The following RYR2 variants were observed in gnomAD, a reference collection of about 807,000 sequenced individuals.
RYR2 encodes cardiac muscle ryanodine receptor-calcium release channel.
In RYR2, 227 loss-of-function variants were observed where a neutral mutation model predicts 601.1. The observed-to-expected ratio is 0.38, with a 90% CI of 0.34 to 0.42. The LOEUF is 0.42. RYR2 is among the 10% of genes least tolerant of loss of function. The probability of loss-of-function intolerance (pLI) is 1.00; values close to 1 mark genes in which losing one functional copy is unlikely to be tolerated. For missense variants in RYR2, 4,646 were observed against 6,156.5 expected (o/e 0.75, Z 8.21); for synonymous variants, 2,223 against 2,175.1 (o/e 1.02, Z -0.61).
At chr1:237,444,988 T>C (rs975052927) in intron 13 of RYR2, among the ~76,000 whole-genome samples, 1 of 152,156 alleles carries the variant, frequency 6.6e-6, no homozygotes, top group Admixed American at 6.6e-5. Context: ...TCGTTCAATG[T>C]AGATATGTGA....
At chr1:237,564,594 A>G (rs758435264) in intron 27 of RYR2, among the ~76,000 whole-genome samples, 1 of 152,148 alleles carries the variant, frequency 6.6e-6, no homozygotes, top group Non-Finnish European at 1.5e-5. Flanking sequence ...TAATAGCACA[A>G]ACTACCTTTA....
chr1:237,065,455 G>A (rs559243725), intron 1 of RYR2, among the ~76,000 whole-genome samples: 1 of 56,394 alleles, frequency 1.8e-5, no homozygotes, highest in South Asian at 6.9e-4. Flanking sequence ...AATTTTTTTT[G>A]GTATTTTTTT....
chr1:237,444,008 A>G (rs1409042804), intron 13 of RYR2, among the ~76,000 whole-genome samples: 2 of 152,196 alleles, frequency 1.3e-5, no homozygotes, highest in African/African-American at 4.8e-5. Flanking sequence ...TTTGGCTAAA[A>G]ATCTATTCTA....
At chr1:237,432,099 CT>C (rs201214602) in intron 12 of RYR2, among the ~76,000 whole-genome samples, 3 of 120,408 alleles carry the variant, frequency 2.5e-5, no homozygotes, top group Admixed American at 8.8e-5. Flanking sequence ...AGCAAATGGT[CT>C]TTTTTTTTTA....
chr1:237,544,301 C>T (rs1346123154), intron 25 of RYR2, among the ~76,000 whole-genome samples: 1 of 151,976 alleles, frequency 6.6e-6, no homozygotes, highest in African/African-American at 2.4e-5. Flanking sequence ...CTACTTATAC[C>T]TGTTCAGTAA....
In RYR2 at chr1:237,532,440, C is replaced by T. The variant is rs1668226748; in HGVS notation, c.2906+1930C>T. 1.3e-5 allele frequency among the ~76,000 whole-genome samples: 2 copies of T among 151,880 alleles called. 1 individual carries two copies. The highest frequency in any genetic ancestry group is 4.2e-4 in the South Asian group (2 of 4,812). On this transcript the variant is annotated intron_variant, in intron 25 of 104. Transcript: ENST00000366574. ...TTTTCAGGGTGACAGCTCAATTATG[C>T]CTTTGTTCAGTTTCTTGAAAGCCAA...
intron 12 of RYR2, among the ~76,000 whole-genome samples, chr1:237,424,893 CTT>C (rs1432321385): frequency 6.6e-6 from 1 of 152,190 alleles, no homozygotes; most frequent in Non-Finnish European, 1.5e-5. Flanking sequence ...CCACTGACCA[CTT>C]TATTTCTACA....
intron 48 of RYR2, among the ~76,000 whole-genome samples, chr1:237,645,444 T>C (rs1244008459): frequency 6.6e-6 from 1 of 152,236 alleles, no homozygotes; most frequent in Admixed American, 6.5e-5. Context: ...AAAATATCTT[T>C]TCTTTACTCT....
chr1:237,554,281 A>G (rs1020105141), intron 27 of RYR2, among the ~76,000 whole-genome samples: 1 of 151,828 alleles, frequency 6.6e-6, no homozygotes, highest in Non-Finnish European at 1.5e-5. Flanking sequence ...TATTCTGTGG[A>G]TATCATGACT....
At chr1:237,429,313 A>G (rs938127998) in intron 12 of RYR2, among the ~76,000 whole-genome samples, 2 of 152,168 alleles carry the variant, frequency 1.3e-5, no homozygotes, top group African/African-American at 4.8e-5. Flanking sequence ...TGGCCGGGCT[A>G]GGAACACAGA....
At chr1:237,190,031 C>T (rs1679801211) in intron 1 of RYR2, among the ~76,000 whole-genome samples, 1 of 151,896 alleles carries the variant, frequency 6.6e-6, no homozygotes, top group Admixed American at 6.6e-5. Context: ...TACCACCACG[C>T]CCAGCTAATT....
At chr1:237,303,750 A>T (rs1331781433) in intron 2 of RYR2, among the ~76,000 whole-genome samples, 2 of 152,200 alleles carry the variant, frequency 1.3e-5, no homozygotes, top group Non-Finnish European at 2.9e-5. Context: ...AATCACATTG[A>T]GAGGTTTTCT....
intron 29 of RYR2, among the ~76,000 whole-genome samples, chr1:237,588,263 C>T (rs1674755945): frequency 6.6e-6 from 1 of 152,058 alleles, no homozygotes; most frequent in Admixed American, 6.6e-5. Context: ...TGCATACAAA[C>T]TGGGTAAAAT....
Position 237,784,180 on chromosome 1 carries a change from C to T in RYR2, c.12468C>T (p.Ser4156=), listed in dbSNP as rs1695359991. The T allele has an allele frequency of 6.2e-7, 1 of 1,613,986 alleles. No individual in the cohort carries two copies. The highest frequency in any genetic ancestry group is 8.5e-7 in the Non-Finnish European group (1 of 1,179,880). Residue 4156 remains serine, a synonymous_variant, in exon 90 of 105, where the codon AGC becomes AGT. Coordinates refer to ENST00000366574, the MANE Select transcript of RYR2 (RefSeq NM_001035.3). This position sits in a 1 kb window ranked among gnomAD's most constrained non-coding sequence, Gnocchi z 7.1. ...ERVYFEISES[S]RTQWEKPQVK... is the part of the protein sequence containing the mutation. The stretch of plus-strand genomic sequence containing the variant: ...TCTATTTTGAAATCAGTGAGTCCAG[C>T]CGAACCCAGTGGGAGAAGCCCCAGG...
At chr1:237,669,333 CCT>C (rs1447759834) in intron 58 of RYR2, among the ~76,000 whole-genome samples, 1 of 152,178 alleles carries the variant, frequency 6.6e-6, no homozygotes, top group African/African-American at 2.4e-5. Context: ...ACCTTTCCCC[CCT>C]CTCTATTCCA....
intron 14 of RYR2, among the ~76,000 whole-genome samples, chr1:237,447,358 G>A (rs1657490935): frequency 6.6e-6 from 1 of 152,246 alleles, no homozygotes; most frequent in Non-Finnish European, 1.5e-5. Flanking sequence ...CTGCTCTTTG[G>A]AAGAATAATT....
chr1:237,739,568 C>T (rs1278783480), intron 79 of RYR2, among the ~76,000 whole-genome samples: 2 of 152,188 alleles, frequency 1.3e-5, no homozygotes, highest in African/African-American at 4.8e-5. Context: ...ACTCTTTCCT[C>T]CTAGTTCTCC....
chr1:237,587,855 A>T (rs1273645738), intron 29 of RYR2, among the ~76,000 whole-genome samples: 2 of 152,158 alleles, frequency 1.3e-5, no homozygotes, highest in African/African-American at 4.8e-5. Flanking sequence ...GTAGGCTAGG[A>T]ACTCCTTCTA....
intron 25 of RYR2, among the ~76,000 whole-genome samples, chr1:237,546,975 G>A (rs1357428028): frequency 4.9e-4 from 10 of 20,242 alleles, no homozygotes; most frequent in East Asian, 3.1e-3. Flanking sequence ...ATTTTCAAAA[G>A]CATATATATA....
Sources: allele counts gnomAD v4.1 joint callset (sites outside exome capture counted in the v4.1 genomes callset), GRCh38; gene constraint gnomAD v4.1.1; non-coding constraint Gnocchi (gnomAD v3.1); transcripts MANE v1.5; gene names NCBI Gene and HGNC (gene_info 2026-07-23, HGNC 2026-07-21).